Variants in FGF12 observed in about 807,000 individuals in gnomAD.
FGF12 encodes the protein fibroblast growth factor 12, also known as fibroblast growth factor 12B.
In FGF12, 14 loss-of-function variants were observed where a neutral mutation model predicts 23.6. That is an observed-to-expected ratio of 0.59 (90% CI 0.39 to 0.93). The LOEUF (loss-of-function observed/expected upper bound fraction) is 0.93, where lower values mean the gene tolerates loss of function less well. Among genes scored for constraint, FGF12 ranks in the 40% least tolerant of loss-of-function variants. The pLI is 0.00. For synonymous variants in FGF12, 62 were observed against 77.3 expected, an observed-to-expected ratio of 0.80 and a Z score of 1.04; for missense variants, 175 against 217.8, an observed-to-expected ratio of 0.80 and a Z score of 1.24.
chr3:192,307,929 T>C (rs543789196), intron 4 of FGF12, among the ~76,000 whole-genome samples: 12 of 152,290 alleles, frequency 7.9e-5, no homozygotes, highest in Admixed American at 5.2e-4. Context: ...ACATCTTAGA[T>C]AGTAGGGACT....
At chr3:192,571,471 G>GC (rs1227507673) in intron 2 of FGF12, among the ~76,000 whole-genome samples, 1 of 152,284 alleles carries the variant, frequency 6.6e-6, no homozygotes, top group Non-Finnish European at 1.5e-5. Flanking sequence ...CGCGCGAGCA[G>GC]CGCGGCATCA....
chr3:192,382,847 T>C (rs1281517156), intron 2 of FGF12, among the ~76,000 whole-genome samples: 1 of 152,164 alleles, frequency 6.6e-6, no homozygotes, highest in Non-Finnish European at 1.5e-5. Context: ...TGGCAAGTCA[T>C]TGAAAAGTTT....
intron 2 of FGF12, among the ~76,000 whole-genome samples, chr3:192,697,697 T>C (rs1718168348): frequency 6.6e-6 from 1 of 152,198 alleles, no homozygotes; most frequent in Non-Finnish European, 1.5e-5. Context: ...AGATGTACTG[T>C]GGCCTCACCA....
At chr3:192,537,494 T>C (rs1725251859) in intron 2 of FGF12, among the ~76,000 whole-genome samples, 1 of 152,162 alleles carries the variant, frequency 6.6e-6, no homozygotes, top group African/African-American at 2.4e-5. Flanking sequence ...TAAAAATCAT[T>C]TTAACTGGGG....
chr3:192,229,333 G>T (rs1308890528), intron 4 of FGF12, among the ~76,000 whole-genome samples: 2 of 151,942 alleles, frequency 1.3e-5, no homozygotes, highest in African/African-American at 4.8e-5. Flanking sequence ...AAAGAAAAAT[G>T]ATTATCTTCC....
intron 4 of FGF12, among the ~76,000 whole-genome samples, chr3:192,234,780 C>A (rs80254288): frequency 6.6e-6 from 1 of 152,086 alleles, no homozygotes; most frequent in East Asian, 1.9e-4. Flanking sequence ...GAAGCCTTTT[C>A]TGTGTCTATT....
chr3:192,458,670 C>T (rs912892588), intron 2 of FGF12, among the ~76,000 whole-genome samples: 1 of 152,092 alleles, frequency 6.6e-6, no homozygotes, highest in Non-Finnish European at 1.5e-5. Context: ...AAGGGATTTG[C>T]CTTGTCTCAG....
intron 2 of FGF12, among the ~76,000 whole-genome samples, chr3:192,685,508 G>T (rs1272749347): frequency 6.6e-6 from 1 of 152,198 alleles, no homozygotes; most frequent in Admixed American, 6.5e-5. Context: ...CCAAGAGCTC[G>T]CAAAGCAGAA....
At chr3:192,454,113 A>G (rs1210527512) in intron 2 of FGF12, among the ~76,000 whole-genome samples, 2 of 151,748 alleles carry the variant, frequency 1.3e-5, no homozygotes, top group East Asian at 3.9e-4. Context: ...ATCTTGGCTC[A>G]CTGCAGCCTC....
rs1718689660 is a variant in FGF12, at chr3:192,360,828, T to C, written c.14-290A>G. 3 of 379,736 alleles carry C rather than the reference T, an allele frequency of 7.9e-6. No homozygotes were observed. Among genetic ancestry groups the C allele is most frequent in the Non-Finnish European group, 1.5e-5 (3 of 202,898 alleles). 23.5% of individuals were successfully genotyped at this position (379,736 alleles called of 1,614,324 possible). ...GTGAGTTATTTTCCTCCTTTGTGCA[T>C]CTGGTGTCTGACTGCAAGATTTCAC... On this transcript the variant is annotated intron_variant, in intron 2 of 5. Transcript: ENST00000445105. The surrounding 1 kb of genome is among the most constrained non-coding windows in gnomAD (Gnocchi z 4.3).
intron 2 of FGF12, among the ~76,000 whole-genome samples, chr3:192,632,696 G>A (rs1715433718): frequency 6.6e-6 from 1 of 152,128 alleles, no homozygotes; most frequent in African/African-American, 2.4e-5. Flanking sequence ...AACTCTCAGA[G>A]GTAAAAATCA....
chr3:192,181,548 C>T (rs1406655969), intron 4 of FGF12, among the ~76,000 whole-genome samples: 3 of 151,516 alleles, frequency 2.0e-5, no homozygotes, highest in Non-Finnish European at 2.9e-5. Flanking sequence ...GCAAGCAGCA[C>T]GATGTAACTC....
At chr3:192,326,362 G>A (rs1316900628) in intron 4 of FGF12, among the ~76,000 whole-genome samples, 2 of 152,060 alleles carry the variant, frequency 1.3e-5, no homozygotes, top group Non-Finnish European at 2.9e-5. Flanking sequence ...AATTAGAGGA[G>A]GGAATAACAA....
chr3:192,391,167 A>C (rs140002619), intron 2 of FGF12, among the ~76,000 whole-genome samples: 53 of 152,336 alleles, frequency 3.5e-4, no homozygotes, highest in Non-Finnish European at 6.0e-4. Context: ...CAAAATGTAT[A>C]TCTCTTCATT....
chr3:192,563,310 T>C (rs1712129717), intron 2 of FGF12, among the ~76,000 whole-genome samples: 2 of 152,332 alleles, frequency 1.3e-5, no homozygotes, highest in Admixed American at 1.3e-4. Flanking sequence ...ATATCTCTCA[T>C]ATCCCAAGAT....
At chr3:192,438,684 CATTCATGTCAAAG>C (rs1378266349) in intron 2 of FGF12, among the ~76,000 whole-genome samples, 2 of 152,204 alleles carry the variant, frequency 1.3e-5, no homozygotes, top group Non-Finnish European at 2.9e-5. Context: ...AGGAAGGAAA[CATTCATGTCAAAG>C]ATTGATGATT....
At chr3:192,310,831 T>G (rs1715894502) in intron 4 of FGF12, among the ~76,000 whole-genome samples, 1 of 152,154 alleles carries the variant, frequency 6.6e-6, no homozygotes, top group African/African-American at 2.4e-5. Context: ...CATAGTAGTC[T>G]TCTGTGGTCA....
intron 2 of FGF12, among the ~76,000 whole-genome samples, chr3:192,705,840 C>T (rs1019148081): frequency 6.6e-6 from 1 of 152,112 alleles, no homozygotes; most frequent in East Asian, 1.9e-4. Context: ...AGCCATGTTG[C>T]TTTCTACACT....
chr3:192,351,729 T>C (rs1427973315), intron 3 of FGF12, among the ~76,000 whole-genome samples: 1 of 152,114 alleles, frequency 6.6e-6, no homozygotes, highest in Admixed American at 6.5e-5. Flanking sequence ...CAAAAGCAGA[T>C]AAGGAATTGC....
Sources: gnomAD v4.1 joint callset for allele counts (sites outside exome capture counted in the v4.1 genomes callset) on GRCh38, gnomAD v4.1.1 for gene constraint, Gnocchi (gnomAD v3.1) non-coding constraint, MANE v1.5 for transcripts, NCBI Gene and HGNC (gene_info 2026-07-23, HGNC 2026-07-21) for gene names.